The following BOD1L1 variants were observed in gnomAD, a reference collection of about 807,000 sequenced individuals.
BOD1L1 encodes the protein biorientation of chromosomes in cell division 1 like 1.
BOD1L1 carries 86 observed loss-of-function variants against 240.7 expected under a neutral mutation model. The observed-to-expected ratio is 0.36, with a 90% CI of 0.30 to 0.43. The LOEUF (loss-of-function observed/expected upper bound fraction) is 0.43. BOD1L1 is among the 20% of genes least tolerant of loss of function. The pLI is 1.00. For missense variants in BOD1L1, 3,554 were observed against 3,643.5 expected (o/e 0.98, Z 0.63); for synonymous variants, 1,268 against 1,272.3 (o/e 1.00, Z 0.07).
At chr4:13,578,311 T>G (rs989784365) in intron 22 of BOD1L1, 27 of 152,106 alleles carry the variant, frequency 1.8e-4, no homozygotes, top group African/African-American at 6.5e-4. Context: ...TAACTGCAAG[T>G]TGGAATGATA....
intron 25 of BOD1L1, among the ~76,000 whole-genome samples, chr4:13,570,638 A>C (rs991613859): frequency 1.3e-5 from 2 of 152,248 alleles, no homozygotes; most frequent in African/African-American, 4.8e-5. Context: ...CAATCTCCCT[A>C]TCACCAGCAT....
intron 14 of BOD1L1, 84 bp downstream of exon 14, chr4:13,590,302 T>G: frequency 1.6e-6 from 1 of 628,234 alleles, no homozygotes; most frequent in Non-Finnish European, 2.6e-6. Context: ...GTAAAATAAT[T>G]AACACAAGGC....
At position 13,602,395 on chromosome 4, in the gene BOD1L1, G is replaced by A. The variant is rs1168052857; in HGVS notation, c.4505C>T (p.Thr1502Ile). Reference protein sequence around the residue: ...PSVLHQRNGQTEDVATGPRRA... With the variant: ...PSVLHQRNGQIEDVATGPRRA... ...CCTAGGCCCAGTTGCCACATCCTCA[G>A]TTTGTCCGTTCCTTTGGTGTAAAAC... The change falls in exon 10 of 26, where the codon ACT becomes ATT. Residue 1502 changes from threonine (T) to isoleucine (I), a missense_variant. This residue lies in a region of BOD1L1 where 3,393 missense variants were observed against 3,427.1 expected (regional missense o/e 0.99). Coordinates refer to ENST00000040738, the MANE Select transcript of BOD1L1 (RefSeq NM_148894.3). The A allele has an allele frequency of 2.2e-5, 35 of 1,613,838 alleles. No homozygotes were observed. In the East Asian group the frequency reaches 7.8e-4, roughly 36 times the overall value.
intron 9 of BOD1L1, among the ~76,000 whole-genome samples, 187 bp downstream of exon 9, chr4:13,606,930 T>A (rs923122577): frequency 6.6e-6 from 1 of 152,124 alleles, no homozygotes; most frequent in African/African-American, 2.4e-5. Flanking sequence ...ACGACAAATA[T>A]ATAAATCAAC....
intron 2 of BOD1L1, among the ~76,000 whole-genome samples, chr4:13,618,783 C>G (rs865875261): frequency 2.0e-5 from 3 of 151,574 alleles, no homozygotes; most frequent in Non-Finnish European, 1.5e-5. Context: ...TTGAAACTAT[C>G]AGACTAGATA....
chr4:13,600,070 C>G lies in BOD1L1; in HGVS notation c.6830G>C (p.Gly2277Ala), dbSNP rs747130800. 1.9e-6 allele frequency: 3 copies of G among 1,613,244 alleles called. No individual in the cohort carries two copies. The highest frequency in any genetic ancestry group is 2.5e-6 in the Non-Finnish European group (3 of 1,179,598). Residue 2277 changes from glycine (G) to alanine (A), a missense_variant, in exon 10 of 26, where the codon GGC becomes GCC. This residue lies in a region of BOD1L1 where 3,393 missense variants were observed against 3,427.1 expected (regional missense o/e 0.99). Transcript: ENST00000040738. ...PVSSAVPQEE[G>A]DPSVTPAEEM... Reference sequence around the variant, plus strand: ...TTCCGCTGGTGTGACTGAGGGGTCGCCTTCCTCTTGAGGGACAGCACTGGA... The same window carrying G: ...TTCCGCTGGTGTGACTGAGGGGTCGGCTTCCTCTTGAGGGACAGCACTGGA...
At chr4:13,577,374 G>T in intron 24 of BOD1L1, 29 bp downstream of exon 24, 1 of 1,597,746 alleles carries the variant, frequency 6.3e-7, no homozygotes, top group Non-Finnish European at 8.5e-7. Context: ...GAAACAATAA[G>T]ACTTATTAAG....
In BOD1L1 at chr4:13,600,347, T is replaced by A; in HGVS notation, c.6553A>T (p.Ile2185Leu). The A allele has an allele frequency of 1.9e-6, 3 of 1,614,016 alleles. No individual in the cohort carries two copies. Among genetic ancestry groups the A allele is most frequent in the East Asian group, 2.2e-5 (1 of 44,872 alleles). ...GGCCCCTCAAAGTCGGCGGTGCTTA[T>A]CAAGACTGGACCTGTAGCCCTTTCT... ...VEERATGPVLISTADFEGPMP... is the reference protein window; with the variant it reads ...VEERATGPVLLSTADFEGPMP... Residue 2185 changes from isoleucine to leucine, a missense_variant, in exon 10 of 26, where the codon ATA (isoleucine) becomes TTA (leucine). Around this residue, in one of 2 missense-constraint regions of BOD1L1, gnomAD observed 3,393 missense variants for 3,427.1 expected, o/e 0.99. Transcript: ENST00000040738.
chr4:13,579,799 C>A, intron 22 of BOD1L1, 129 bp downstream of exon 22: 1 of 665,176 alleles, frequency 1.5e-6, no homozygotes, highest in Admixed American at 3.0e-5. Flanking sequence ...GATACAAGGA[C>A]AATTATTTTT....
chr4:13,608,915 A>G (rs1360795663), intron 7 of BOD1L1, among the ~76,000 whole-genome samples: 1 of 152,134 alleles, frequency 6.6e-6, no homozygotes, highest in Non-Finnish European at 1.5e-5. Flanking sequence ...AGGGAATACA[A>G]TTTTGTTCAA....
At chr4:13,595,787 G>C in intron 12 of BOD1L1, 73 bp downstream of exon 12, 1 of 1,243,216 alleles carries the variant, frequency 8.0e-7, no homozygotes, top group Non-Finnish European at 1.2e-6. Flanking sequence ...ATCAGCTATT[G>C]ATTTTTAGAA....
Position 13,602,170 on chromosome 4 carries a change from C to A in BOD1L1, c.4730G>T (p.Gly1577Val). The A allele has an allele frequency of 6.2e-7, 1 of 1,613,948 alleles. No homozygotes were observed. The highest frequency in any genetic ancestry group is 8.5e-7 in the Non-Finnish European group (1 of 1,179,854). The change falls in exon 10 of 26, where the codon GGT becomes GTT. Residue 1577 changes from glycine to valine, a missense_variant. Physicochemically the swap from Gly to Val is moderately radical, Grantham distance 109. Around this residue, in one of 2 missense-constraint regions of BOD1L1, gnomAD observed 3,393 missense variants for 3,427.1 expected, o/e 0.99. Coordinates refer to ENST00000040738, the MANE Select transcript of BOD1L1 (RefSeq NM_148894.3). ...AACAGTGCATTCACTGGCTTCTGCA[C>A]CAACATGAAGAGGATTATTTCTGGA... ...THSRNNPLHV[G>V]AEASECTVFA...
rs777976804 is a variant in BOD1L1 at position 13,602,061 on chromosome 4, C to T, written c.4839G>A (p.Gly1613=). The T allele has an allele frequency of 1.9e-6, 3 of 1,614,016 alleles. No individual in the cohort carries two copies. The highest frequency in any genetic ancestry group is 1.1e-5 in the South Asian group (1 of 91,088). ...CAGCCACAGCACACTCCCCACTTTC[C>T]CCTTCCTTAGTGCTTGTGAGGAAGG... ...SETFLTSTKE[G]ESGECAVAES... The change falls in exon 10 of 26, where the codon GGG becomes GGA. Residue 1613 remains glycine, a synonymous_variant. Transcript: ENST00000040738.
rs753802626 is a variant in BOD1L1 at position 13,614,508 on chromosome 4, C to T, written c.862G>A (p.Glu288Lys). ...EEFSDLPCPV[E>K]EIKNYTKEHN... ...TCTTTTGTGTAATTTTTAATTTCTT[C>T]GACTGGACAGGGGAGGTCGCTGAAC... The change falls in exon 4 of 26, where the codon GAA becomes AAA. Residue 288 changes from glutamate (E) to lysine (K), a missense_variant. Physicochemically the swap from Glu to Lys is moderately conservative, Grantham distance 56. Around this residue, in one of 2 missense-constraint regions of BOD1L1, gnomAD observed 3,393 missense variants for 3,427.1 expected, o/e 0.99. Coordinates refer to ENST00000040738, the MANE Select transcript of BOD1L1 (RefSeq NM_148894.3). 3.5e-5 allele frequency: 57 copies of T among 1,613,706 alleles called. No homozygotes were observed. Among genetic ancestry groups the T allele is most frequent in the African/African-American group, 6.7e-5 (5 of 74,874 alleles).
chr4:13,597,677 C>T (rs1276450673), intron 10 of BOD1L1, among the ~76,000 whole-genome samples: 1 of 152,130 alleles, frequency 6.6e-6, no homozygotes, highest in Admixed American at 6.5e-5. Flanking sequence ...CCTCTTATAT[C>T]CTTCTTTAGA....
At chr4:13,621,136 T>C (rs1037116822) in intron 1 of BOD1L1, among the ~76,000 whole-genome samples, 5 of 152,154 alleles carry the variant, frequency 3.3e-5, no homozygotes, top group African/African-American at 9.7e-5. Flanking sequence ...GGGGAACACA[T>C]ATTACATCAT....
chr4:13,596,456 T>C (rs1195904631), intron 11 of BOD1L1, among the ~76,000 whole-genome samples: 1 of 152,154 alleles, frequency 6.6e-6, no homozygotes, highest in Non-Finnish European at 1.5e-5. Flanking sequence ...GGGCAAGTTG[T>C]GTTTCCTCTG....
At chr4:13,589,524 G>C (rs573203620) in intron 14 of BOD1L1, among the ~76,000 whole-genome samples, 31 of 152,308 alleles carry the variant, frequency 2.0e-4, no homozygotes, top group African/African-American at 7.2e-4. Context: ...AAATAAGGTG[G>C]GGAGGGTTTA....
At chr4:13,581,355 G>T in intron 19 of BOD1L1, 148 bp from the exon 20 acceptor site, 2 of 596,076 alleles carry the variant, frequency 3.4e-6, no homozygotes, top group African/African-American at 1.9e-5. Context: ...GTGATGTAGG[G>T]CTTAGTGTTT....
Sources: gnomAD v4.1 joint callset for allele counts (sites outside exome capture counted in the v4.1 genomes callset) on GRCh38, gnomAD v4.1.1 for gene constraint, gnomAD v4.1.1 regional missense constraint, MANE v1.5 for transcripts, NCBI Gene and HGNC (gene_info 2026-07-23, HGNC 2026-07-21) for gene names.